MTREX: variants seen among roughly 807,000 people sequenced by gnomAD.
MTREX encodes Mtr4 exosome RNA helicase.
In MTREX, 76 loss-of-function variants were observed where a neutral mutation model predicts 135.4. The ratio of observed to expected loss-of-function variants is 0.56; its 90% confidence interval spans 0.47 to 0.68. The LOEUF is 0.68. MTREX is among the 30% of genes least tolerant of loss of function. The probability of loss-of-function intolerance (pLI) is 0.00; values close to 1 mark genes in which losing one functional copy is unlikely to be tolerated. For synonymous variants in MTREX, 404 were observed against 401.6 expected (o/e 1.01, Z -0.07); for missense variants, 920 against 1,262.1 (o/e 0.73, Z 4.11).
intron 22 of MTREX, 69 bp downstream of exon 22, chr5:55,405,657 T>G (rs781316947): frequency 1.1e-5 from 16 of 1,397,206 alleles, no homozygotes; most frequent in Non-Finnish European, 1.5e-5. Flanking sequence ...TTTGTTTATT[T>G]TTTTTGAGAT....
intron 14 of MTREX, 54 bp downstream of exon 14, chr5:55,353,323 A>G: frequency 1.7e-6 from 2 of 1,159,212 alleles, no homozygotes; most frequent in Admixed American, 3.8e-5. Flanking sequence ...TATACTATAG[A>G]TAACTGGCTT....
In MTREX at chr5:55,425,269, A is replaced by G; in HGVS notation, c.*497A>G. The G allele has an allele frequency of 6.2e-7, 1 of 1,612,882 alleles. No homozygotes were observed. Among genetic ancestry groups the G allele is most frequent in the Non-Finnish European group, 8.5e-7 (1 of 1,178,972 alleles). ...TTGGTGTTTCATGCAGAGTTGTATGAGAGTCCTCCTCTTTTCTTTCTTTAA... is the reference window on the plus strand; with the variant it reads ...TTGGTGTTTCATGCAGAGTTGTATGGGAGTCCTCCTCTTTTCTTTCTTTAA... On this transcript the variant is annotated 3_prime_UTR_variant, in exon 27 of 27. Transcript: ENST00000230640.
intron 15 of MTREX, among the ~76,000 whole-genome samples, chr5:55,364,489 C>CT (rs1750064977): frequency 6.6e-6 from 1 of 152,188 alleles, no homozygotes; most frequent in African/African-American, 2.4e-5. Flanking sequence ...AACTATGAAA[C>CT]TGAGTTCAGT....
chr5:55,404,608 G>T (rs561745339), intron 21 of MTREX, among the ~76,000 whole-genome samples: 1 of 152,092 alleles, frequency 6.6e-6, no homozygotes, highest in East Asian at 1.9e-4. Flanking sequence ...GAGCTGCTGG[G>T]ATTGGTACTT....
chr5:55,400,373 T>C lies in MTREX; in HGVS notation c.2433T>C (p.Asn811=). ...EHRMYSHPLH[N]DPNLETVYTL... ...GAATGTATTCTCATCCACTTCACAA[T>C]GATCCAAATTTGGAAACTGTGTATA... Residue 811 remains asparagine (N), a synonymous_variant, in exon 21 of 27, where the codon AAT becomes AAC. Transcript: ENST00000230640. The C allele has an allele frequency of 6.2e-7, 1 of 1,611,860 alleles. No homozygotes were observed. The highest frequency in any genetic ancestry group is 8.5e-7 in the Non-Finnish European group (1 of 1,179,194).
intron 16 of MTREX, among the ~76,000 whole-genome samples, chr5:55,369,630 C>G (rs1000999937): frequency 3.3e-5 from 5 of 152,182 alleles, no homozygotes; most frequent in African/African-American, 1.2e-4. Context: ...GATTCTACTG[C>G]TCACTCAATG....
At chr5:55,360,111 T>G (rs1204327434) in intron 15 of MTREX, among the ~76,000 whole-genome samples, 1 of 152,140 alleles carries the variant, frequency 6.6e-6, no homozygotes, top group Non-Finnish European at 1.5e-5. Context: ...AGACCACCCC[T>G]ACCTCAAGCC....
chr5:55,350,899 G>C lies in MTREX; in HGVS notation c.1321-20G>C, dbSNP rs745895221. On this transcript the variant is annotated intron_variant, in intron 12 of 26. Transcript: ENST00000230640. ...CTTTTCTCACATCATTATAAAATCA[G>C]TGTTATTCCAAAATCACAGGTAGAA... The C allele has an allele frequency of 7.8e-6, 12 of 1,541,158 alleles. No homozygotes were observed. Among genetic ancestry groups the C allele is most frequent in the Non-Finnish European group, 1.1e-5 (12 of 1,132,082 alleles).
chr5:55,359,409 AG>A (rs1416386309), intron 15 of MTREX, among the ~76,000 whole-genome samples: 1 of 152,214 alleles, frequency 6.6e-6, no homozygotes, highest in Non-Finnish European at 1.5e-5. Flanking sequence ...AAACATGTTA[AG>A]ACACACTTAG....
At chr5:55,402,851 T>G in intron 21 of MTREX, among the ~76,000 whole-genome samples, 1 of 47,598 alleles carries the variant, frequency 2.1e-5, no homozygotes, top group African/African-American at 6.2e-5. Flanking sequence ...TATGTGTATG[T>G]ATGTGTGTGT....
chr5:55,336,875 T>C (rs1749561487), intron 5 of MTREX, among the ~76,000 whole-genome samples: 3 of 152,202 alleles, frequency 2.0e-5, no homozygotes, highest in Non-Finnish European at 1.5e-5. Flanking sequence ...TAATGGTATG[T>C]GATTTTCTTA....
At chr5:55,389,967 A>G (rs1341758911) in intron 19 of MTREX, among the ~76,000 whole-genome samples, 1 of 152,184 alleles carries the variant, frequency 6.6e-6, no homozygotes, top group Non-Finnish European at 1.5e-5. Context: ...ATTGTGTAGC[A>G]TTATTCAGGG....
chr5:55,344,914 A>AT (rs1412188199), intron 9 of MTREX, among the ~76,000 whole-genome samples, 180 bp from the exon 10 acceptor site: 1 of 152,072 alleles, frequency 6.6e-6, no homozygotes, highest in Non-Finnish European at 1.5e-5. Context: ...GCTTTTCTTC[A>AT]TTTTTTATTC....
At chr5:55,394,276 A>G (rs1390085425) in intron 19 of MTREX, among the ~76,000 whole-genome samples, 3 of 152,216 alleles carry the variant, frequency 2.0e-5, no homozygotes, top group African/African-American at 7.2e-5. Flanking sequence ...TGGTATTGAT[A>G]ATTTTTCATG....
intron 18 of MTREX, among the ~76,000 whole-genome samples, chr5:55,379,573 G>GAC (rs60169736): frequency 0.42 from 61,007 of 143,628 alleles, 14,073 homozygotes; most frequent in Non-Finnish European, 0.53. Context: ...AAATCTCCCT[G>GAC]ACACACACAC....
At chr5:55,367,922 T>A (rs1196714404) in intron 16 of MTREX, among the ~76,000 whole-genome samples, 3 of 152,288 alleles carry the variant, frequency 2.0e-5, no homozygotes, top group African/African-American at 7.2e-5. Flanking sequence ...TTAAAATCAT[T>A]TGTAATCTCA....
At chr5:55,377,313 C>G (rs762803967) in intron 16 of MTREX, among the ~76,000 whole-genome samples, 5 of 151,804 alleles carry the variant, frequency 3.3e-5, no homozygotes. Flanking sequence ...GGCGACAGAG[C>G]GAGACTCCGT....
chr5:55,338,026 A>G (rs755927773), intron 5 of MTREX, among the ~76,000 whole-genome samples: 123 of 152,134 alleles, frequency 8.1e-4, no homozygotes, highest in Non-Finnish European at 1.0e-4. Flanking sequence ...ATACTGTCAT[A>G]TATTTCAACT....
chr5:55,349,480 C>T (rs547598520), intron 11 of MTREX, 93 bp from the exon 12 acceptor site: 181 of 747,986 alleles, frequency 2.4e-4, no homozygotes, highest in Non-Finnish European at 4.1e-4. Context: ...TGGGACACCA[C>T]GCCTGGCCTT....
Sources: gnomAD v4.1 joint callset for allele counts (sites outside exome capture counted in the v4.1 genomes callset) on GRCh38, gnomAD v4.1.1 for gene constraint, MANE v1.5 for transcripts, NCBI Gene and HGNC (gene_info 2026-07-23, HGNC 2026-07-21) for gene names.